TRAK1: variants seen among roughly 807,000 people sequenced by gnomAD.
TRAK1 encodes the protein trafficking kinesin-binding protein 1.
TRAK1 carries 33 observed loss-of-function variants against 92.1 expected under a neutral mutation model. That is an observed-to-expected ratio of 0.36 (90% CI 0.27 to 0.48). TRAK1 has a LOEUF of 0.48. TRAK1 is among the 20% of genes least tolerant of loss of function. The probability of loss-of-function intolerance (pLI) is 0.99; values close to 1 mark genes in which losing one functional copy is unlikely to be tolerated. For missense variants in TRAK1, 1,123 were observed against 1,257.9 expected, an observed-to-expected ratio of 0.89 and a Z score of 1.62; for synonymous variants, 521 against 517.3, an observed-to-expected ratio of 1.01 and a Z score of -0.10.
intron 2 of TRAK1, among the ~76,000 whole-genome samples, chr3:42,132,686 A>G (rs1268765817): frequency 6.6e-6 from 1 of 152,090 alleles, no homozygotes; most frequent in Non-Finnish European, 1.5e-5. Flanking sequence ...AGTCATTCTA[A>G]TTGATCCTCA....
intron 1 of TRAK1, among the ~76,000 whole-genome samples, chr3:42,067,966 G>A (rs1703753095): frequency 6.6e-6 from 1 of 152,086 alleles, no homozygotes; most frequent in Admixed American, 6.5e-5. Flanking sequence ...GAGGTCAGGA[G>A]TTCGAGACCA....
chr3:42,074,870 C>G (rs1389108727), intron 1 of TRAK1, among the ~76,000 whole-genome samples: 1 of 152,042 alleles, frequency 6.6e-6, no homozygotes, highest in Admixed American at 6.6e-5. Context: ...TCAAGTAGGC[C>G]CCATCGTCTG....
At chr3:42,149,833 A>T (rs1699758045) in intron 2 of TRAK1, among the ~76,000 whole-genome samples, 1 of 151,912 alleles carries the variant, frequency 6.6e-6, no homozygotes, top group Non-Finnish European at 1.5e-5. Context: ...TTAGAAGGGG[A>T]GATGGTTTTT....
chr3:42,065,383 T>C (rs1703634652), intron 1 of TRAK1, among the ~76,000 whole-genome samples: 2 of 152,218 alleles, frequency 1.3e-5, no homozygotes, highest in Admixed American at 1.3e-4. Context: ...ACTTGCGGAT[T>C]GAACATCCCA....
At chr3:42,081,833 C>T (rs910566818) in intron 1 of TRAK1, among the ~76,000 whole-genome samples, 5 of 152,316 alleles carry the variant, frequency 3.3e-5, no homozygotes, top group African/African-American at 1.2e-4. Flanking sequence ...AAGTGCCTTA[C>T]ATTTTACAGA....
intron 1 of TRAK1, among the ~76,000 whole-genome samples, chr3:42,100,735 C>T (rs1243145523): frequency 2.0e-5 from 3 of 152,338 alleles, no homozygotes; most frequent in East Asian, 1.9e-4. Flanking sequence ...GGCACAGTCT[C>T]GGTTCACTGC....
intron 14 of TRAK1, chr3:42,219,255 C>A: frequency 2.0e-6 from 2 of 979,708 alleles, no homozygotes; most frequent in Non-Finnish European, 2.4e-6. Flanking sequence ...TGATGAGAAA[C>A]CTAGTCTGGA....
At chr3:42,101,454 A>C (rs1197130640) in intron 1 of TRAK1, among the ~76,000 whole-genome samples, 1 of 152,218 alleles carries the variant, frequency 6.6e-6, no homozygotes, top group African/African-American at 2.4e-5. Flanking sequence ...AGTTGCTTTC[A>C]GGAAAGCCTC....
intron 1 of TRAK1, among the ~76,000 whole-genome samples, chr3:42,074,439 A>G (rs1206249705): frequency 6.6e-6 from 1 of 152,224 alleles, no homozygotes; most frequent in Non-Finnish European, 1.5e-5. Flanking sequence ...TGCCCTGGCT[A>G]GAGAACAGGG....
chr3:42,193,076 G>T lies in TRAK1; in HGVS notation c.771G>T (p.Arg257Ser). Residue 257 changes from arginine (R) to serine (S), a missense_variant and splice_region_variant, in exon 8 of 16, where the codon AGG becomes AGT. Arg to Ser is a moderately radical substitution (Grantham distance 110). Coordinates refer to ENST00000327628, the MANE Select transcript of TRAK1 (RefSeq NM_001042646.3). ...CTGATTGTTGCTTCTTTGTCAAAGG[G>T]GATGCCAATGTCCAGATTGCTAGTA... ...QLVNDCVKEL[R>S]DANVQIASIS... The T allele has an allele frequency of 6.2e-7, 1 of 1,613,816 alleles. No individual in the cohort carries two copies. The highest frequency in any genetic ancestry group is 2.2e-5 in the East Asian group (1 of 44,872).
intron 13 of TRAK1, chr3:42,203,853 TATTAAA>T (rs1294656382): frequency 1.6e-5 from 14 of 874,756 alleles, no homozygotes; most frequent in Non-Finnish European, 1.9e-5. Flanking sequence ...ACATCTGTGG[TATTAAA>T]ATTAAAAAGA....
intron 1 of TRAK1, among the ~76,000 whole-genome samples, chr3:42,066,477 C>T (rs1440044082): frequency 6.6e-6 from 1 of 150,950 alleles, no homozygotes; most frequent in Non-Finnish European, 1.5e-5. Context: ...GTGTGGACAT[C>T]GACCCCCACC....
intron 1 of TRAK1, among the ~76,000 whole-genome samples, chr3:42,120,169 C>T (rs554589299): frequency 7.2e-5 from 11 of 152,234 alleles, no homozygotes; most frequent in South Asian, 2.1e-4. Context: ...GTAAGCCTCT[C>T]CTTATGGTTG....
intron 1 of TRAK1, among the ~76,000 whole-genome samples, chr3:42,075,126 C>G (rs1469194977): frequency 1.3e-5 from 2 of 151,844 alleles, no homozygotes; most frequent in Non-Finnish European, 2.9e-5. Flanking sequence ...AGGTTGATTC[C>G]ATGTCTTTGC....
At chr3:42,092,105 T>C (rs1453209126) in intron 1 of TRAK1, among the ~76,000 whole-genome samples, 1 of 152,124 alleles carries the variant, frequency 6.6e-6, no homozygotes, top group Middle Eastern at 3.2e-3. Context: ...TCCCTTTCTT[T>C]TTTGTCCTTT....
intron 1 of TRAK1, among the ~76,000 whole-genome samples, chr3:42,099,504 C>T (rs778421601): frequency 1.3e-4 from 20 of 152,214 alleles, no homozygotes; most frequent in Middle Eastern, 3.4e-3. Flanking sequence ...TTGCGTGGTA[C>T]GAACTGAACC....
chr3:42,150,079 C>T (rs1248309001), intron 2 of TRAK1, among the ~76,000 whole-genome samples: 1 of 152,020 alleles, frequency 6.6e-6, no homozygotes, highest in Non-Finnish European at 1.5e-5. Flanking sequence ...GACCTGGGAA[C>T]CATCAGAGGC....
intron 14 of TRAK1, chr3:42,210,682 G>A (rs143847008): frequency 2.0e-6 from 2 of 991,576 alleles, no homozygotes; most frequent in African/African-American, 1.7e-5. Flanking sequence ...TTCAATGGAG[G>A]TATATATGTC....
In TRAK1 at chr3:42,208,061, C is replaced by T. The variant is rs139493609; in HGVS notation, c.1745-1706C>T. The stretch of plus-strand genomic sequence containing the variant: ...GTCCCTGGGGGAGTGGGGTACGGGG[C>T]GCAAAATTGTCCCTAGTTGAGAACA... On this transcript the variant is annotated intron_variant, in intron 13 of 15. Transcript: ENST00000327628. 9.2e-5 allele frequency among the ~76,000 whole-genome samples: 14 copies of T among 152,238 alleles called. No homozygotes were observed. The East Asian group carries it at 2.1e-3, about 23-fold the overall frequency.
Sources: gnomAD v4.1 joint callset for allele counts (sites outside exome capture counted in the v4.1 genomes callset) on GRCh38, gnomAD v4.1.1 for gene constraint, MANE v1.5 for transcripts, NCBI Gene and HGNC (gene_info 2026-07-23, HGNC 2026-07-21) for gene names.